Variants in LIPC observed in about 807,000 individuals in gnomAD.
LIPC encodes the protein hepatic triacylglycerol lipase.
LIPC carries 44 observed loss-of-function variants against 50.7 expected under a neutral mutation model. That is an observed-to-expected ratio of 0.87 (90% CI 0.68 to 1.11). The LOEUF is 1.11. Ranked by LOEUF, LIPC falls within the 50% of genes most tolerant of loss-of-function variation. LIPC has a pLI of 0.00. For missense variants in LIPC, 697 were observed against 648.2 expected (o/e 1.08, Z -0.82); for synonymous variants, 271 against 256.4 (o/e 1.06, Z -0.54).
chr15:58,481,151 G>C (rs1014932366), intron 1 of LIPC, among the ~76,000 whole-genome samples: 2 of 152,170 alleles, frequency 1.3e-5, no homozygotes, highest in Admixed American at 1.3e-4. Context: ...TCTGTAGAAA[G>C]TTTGCTCCAT....
intron 6 of LIPC, among the ~76,000 whole-genome samples, chr15:58,549,413 C>A (rs1459333544): frequency 6.6e-6 from 1 of 152,218 alleles, no homozygotes; most frequent in Non-Finnish European, 1.5e-5. Context: ...CAGGCCGTCA[C>A]CACCACTTTG....
At chr15:58,443,749 G>A (rs990891077) in intron 1 of LIPC, among the ~76,000 whole-genome samples, 1 of 152,242 alleles carries the variant, frequency 6.6e-6, no homozygotes, top group Non-Finnish European at 1.5e-5. Flanking sequence ...CCTGGGTGCA[G>A]GCGGGCTGAG....
intron 1 of LIPC, chr15:58,494,927 T>G: frequency 2.2e-6 from 1 of 454,252 alleles, no homozygotes; most frequent in South Asian, 1.6e-5. Flanking sequence ...GTCCAGTCCC[T>G]CACTGGGCTA....
At chr15:58,550,710 G>A (rs1566948459) in intron 6 of LIPC, among the ~76,000 whole-genome samples, 1 of 152,046 alleles carries the variant, frequency 6.6e-6, no homozygotes, top group Non-Finnish European at 1.5e-5. Flanking sequence ...ATCTAGTGAG[G>A]AGGAGGTTAA....
intron 1 of LIPC, among the ~76,000 whole-genome samples, chr15:58,469,106 G>C (rs1167319943): frequency 9.5e-6 from 1 of 105,812 alleles, no homozygotes; most frequent in African/African-American, 3.5e-5. Context: ...AACATTTTGT[G>C]TGTGTGTGTG....
chr15:58,456,524 G>C (rs771298520), intron 1 of LIPC, among the ~76,000 whole-genome samples: 5 of 152,226 alleles, frequency 3.3e-5, no homozygotes, highest in Non-Finnish European at 5.9e-5. Context: ...CCCTGATGCA[G>C]CCCAGAGGCC....
At chr15:58,437,645 C>G (rs1307462722) in intron 1 of LIPC, among the ~76,000 whole-genome samples, 1 of 152,082 alleles carries the variant, frequency 6.6e-6, no homozygotes, top group Non-Finnish European at 1.5e-5. Flanking sequence ...CACCAGCACC[C>G]AACTTTGCAG....
chr15:58,488,240 A>G (rs1392209628), intron 1 of LIPC, among the ~76,000 whole-genome samples: 2 of 152,214 alleles, frequency 1.3e-5, no homozygotes, highest in African/African-American at 2.4e-5. Flanking sequence ...ACTACTCCCA[A>G]GCCTGGGCAA....
At chr15:58,495,519 C>G (rs1352859244) in intron 1 of LIPC, among the ~76,000 whole-genome samples, 2 of 152,232 alleles carry the variant, frequency 1.3e-5, no homozygotes, top group African/African-American at 4.8e-5. Flanking sequence ...CCATAGCTAA[C>G]TCTTGTCAAG....
intron 1 of LIPC, among the ~76,000 whole-genome samples, chr15:58,477,995 C>A (rs1891055779): frequency 6.6e-6 from 1 of 151,996 alleles, no homozygotes; most frequent in Non-Finnish European, 1.5e-5. Context: ...GCACCCTATA[C>A]CCACCCCATG....
chr15:58,448,982 A>C (rs1893803688), intron 1 of LIPC, among the ~76,000 whole-genome samples: 1 of 152,140 alleles, frequency 6.6e-6, no homozygotes, highest in Non-Finnish European at 1.5e-5. Flanking sequence ...ACATGACGAG[A>C]AAACTGTGAG....
At chr15:58,449,473 G>A (rs1216318663) in intron 1 of LIPC, among the ~76,000 whole-genome samples, 1 of 152,090 alleles carries the variant, frequency 6.6e-6, no homozygotes, top group East Asian at 1.9e-4. Context: ...GCTTGGGACT[G>A]ATTGCTATTT....
chr15:58,549,752 C>T (rs1382609910), intron 6 of LIPC, among the ~76,000 whole-genome samples: 1 of 152,156 alleles, frequency 6.6e-6, no homozygotes, highest in African/African-American at 2.4e-5. Context: ...TGGGTGCGCA[C>T]AGCATCTGAA....
intron 1 of LIPC, among the ~76,000 whole-genome samples, chr15:58,532,453 G>A (rs530094053): frequency 6.6e-6 from 1 of 152,336 alleles, no homozygotes; most frequent in African/African-American, 2.4e-5. Context: ...TGAAATTTCG[G>A]TCTTCCAGAG....
chr15:58,470,675 C>T (rs1439289607), intron 1 of LIPC, among the ~76,000 whole-genome samples: 1 of 151,418 alleles, frequency 6.6e-6, no homozygotes, highest in Non-Finnish European at 1.5e-5. Flanking sequence ...TCTCGGCTCA[C>T]CGCAACCTCC....
At chr15:58,563,828 A>G (rs1894261613) in intron 8 of LIPC, 105 bp downstream of exon 8, 12 of 967,630 alleles carry the variant, frequency 1.2e-5, no homozygotes, top group Non-Finnish European at 1.8e-5. Context: ...GAGTATTATT[A>G]GGCCCTAGTG....
chr15:58,493,869 G>A (rs139277805), intron 1 of LIPC, among the ~76,000 whole-genome samples: 3 of 152,012 alleles, frequency 2.0e-5, no homozygotes, highest in African/African-American at 4.8e-5. Flanking sequence ...TTCATGAGAC[G>A]CACAGGAAGA....
At chr15:58,496,445 C>T (rs1312740866) in intron 1 of LIPC, among the ~76,000 whole-genome samples, 1 of 151,944 alleles carries the variant, frequency 6.6e-6, no homozygotes, top group African/African-American at 2.4e-5. Flanking sequence ...CAGAGAAGTG[C>T]CTGGCACGTA....
intron 1 of LIPC, chr15:58,533,150 C>T: frequency 6.1e-6 from 6 of 985,006 alleles, no homozygotes; most frequent in Non-Finnish European, 7.2e-6. Context: ...GTGTGACTAC[C>T]TCTTCTGAAG....
Sources: gnomAD v4.1 joint callset for allele counts (sites outside exome capture counted in the v4.1 genomes callset) on GRCh38, gnomAD v4.1.1 for gene constraint, MANE v1.5 for transcripts, NCBI Gene and HGNC (gene_info 2026-07-23, HGNC 2026-07-21) for gene names.